Variants in ASB2 observed in about 807,000 individuals in gnomAD.
ASB2 encodes the protein ankyrin repeat and SOCS box containing 2, also known as ankyrin repeat and SOCS box protein 2.
A neutral mutation model predicts 62.4 loss-of-function variants in ASB2; 58 were observed. That is an observed-to-expected ratio of 0.93 (90% CI 0.75 to 1.16). The LOEUF is 1.16. ASB2 is among the 50% of genes most tolerant of loss of function. ASB2 has a pLI of 0.00. For synonymous variants in ASB2, 386 were observed against 385.3 expected (o/e 1.00, Z -0.02); for missense variants, 928 against 887.9 (o/e 1.05, Z -0.57).
Position 93,958,097 on chromosome 14 carries a change from C to T in ASB2, c.207-1227G>A, listed in dbSNP as rs1248387056. On this transcript the variant is annotated intron_variant, in intron 2 of 9. Transcript: ENST00000555019. Reference sequence around the variant, plus strand: ...GGTGGCAGGAGGAGGGGAACCTGCTCACCCCTCTGCTTCATGCTCTCAGGG... The same window carrying T: ...GGTGGCAGGAGGAGGGGAACCTGCTTACCCCTCTGCTTCATGCTCTCAGGG... 4.6e-5 allele frequency among the ~76,000 whole-genome samples: 7 copies of T among 152,312 alleles called. 1 individual carries two copies. In the South Asian group the frequency reaches 1.5e-3, roughly 32 times the overall value.
chr14:93,939,010 A>T (rs2032775923), intron 8 of ASB2, 98 bp downstream of exon 8: 1 of 1,097,800 alleles, frequency 9.1e-7, no homozygotes, highest in South Asian at 1.8e-5. Flanking sequence ...GCTCCCAAGG[A>T]GCGCGAACCA....
At chr14:93,952,410 C>G (rs3790051) in intron 5 of ASB2, among the ~76,000 whole-genome samples, 3 of 152,026 alleles carry the variant, frequency 2.0e-5, no homozygotes, top group Non-Finnish European at 4.4e-5. Context: ...GGGTCTGCAG[C>G]GGATCCAGTG....
chr14:93,941,029 C>T (rs981943577), intron 7 of ASB2, among the ~76,000 whole-genome samples: 45 of 152,330 alleles, frequency 3.0e-4, no homozygotes, highest in African/African-American at 1.1e-3. Flanking sequence ...AACTTGCCTG[C>T]CCATTTTACC....
intron 9 of ASB2, among the ~76,000 whole-genome samples, chr14:93,935,043 C>T (rs529860377): frequency 3.9e-5 from 6 of 152,296 alleles, no homozygotes; most frequent in East Asian, 1.9e-4. Context: ...TTCACAGGTG[C>T]GGAAACCGAG....
chr14:93,957,126 T>G, intron 2 of ASB2: 2 of 1,352,522 alleles, frequency 1.5e-6, no homozygotes, highest in Non-Finnish European at 1.9e-6. Flanking sequence ...GAGGTTAACC[T>G]CACCCCACCC....
chr14:93,959,614 G>GGTC (rs1889340538), intron 2 of ASB2, among the ~76,000 whole-genome samples: 2 of 152,180 alleles, frequency 1.3e-5, no homozygotes, highest in African/African-American at 4.8e-5. Flanking sequence ...TGCCCTGGAA[G>GGTC]AGCCCCAGGT....
chr14:93,942,286 G>A (rs1236922872), intron 7 of ASB2: 3 of 455,952 alleles, frequency 6.6e-6, no homozygotes, highest in Non-Finnish European at 1.3e-5. Flanking sequence ...AGAGCCGTAG[G>A]TGTCTGGAAG....
In ASB2 at chr14:93,957,335, C is replaced by CTGAG. The variant is rs1289961591; in HGVS notation, c.207-466_207-465insCTCA. ...AGGATAGGGGAGCAAAGCTGAGAAG[C>CTGAG]CAAGCTGTACCTGTGCCCCCCACGC... is the stretch of plus-strand genomic sequence containing the variant. On this transcript the variant is annotated intron_variant, in intron 2 of 9. Transcript: ENST00000555019. The CTGAG allele has an allele frequency of 5.8e-4, 601 of 1,040,026 alleles. 6 individuals are homozygous for CTGAG. In the African/African-American group the frequency reaches 9.6e-3, roughly 17 times the overall value. 64.4% of individuals were successfully genotyped at this position (1,040,026 alleles called of 1,614,324 possible). A position where few individuals can be genotyped will look rare whatever the true frequency, so the allele number is the denominator to read the frequency against.
At chr14:93,942,046 C>T (rs1488382911) in intron 7 of ASB2, among the ~76,000 whole-genome samples, 1 of 152,164 alleles carries the variant, frequency 6.6e-6, no homozygotes, top group Admixed American at 6.5e-5. Context: ...AAGCCTTCTA[C>T]GATGCCCCTC....
At chr14:93,947,580 G>A in intron 6 of ASB2, 60 bp from the exon 7 acceptor site, 1 of 1,571,340 alleles carries the variant, frequency 6.4e-7, no homozygotes, top group Non-Finnish European at 8.7e-7. Context: ...TGTCCTCAAT[G>A]TAACGCCACC....
intron 7 of ASB2, among the ~76,000 whole-genome samples, chr14:93,942,676 T>G (rs1319714792): frequency 2.6e-5 from 4 of 152,226 alleles, no homozygotes; most frequent in Non-Finnish European, 5.9e-5. Context: ...CAACGCAAGC[T>G]GTCCTTAGCT....
intron 2 of ASB2, among the ~76,000 whole-genome samples, chr14:93,963,604 G>T (rs940682148): frequency 2.0e-5 from 3 of 152,296 alleles, no homozygotes; most frequent in African/African-American, 4.8e-5. Context: ...ATCAAGATGG[G>T]CTGTGAGTGT....
chr14:93,945,683 A>G (rs1888698280), intron 7 of ASB2, among the ~76,000 whole-genome samples: 1 of 151,992 alleles, frequency 6.6e-6, no homozygotes, highest in Non-Finnish European at 1.5e-5. Context: ...TCCTCTGTGT[A>G]TGTACTGGGG....
Position 93,969,252 on chromosome 14 carries a change from T to A in ASB2, c.-73-4640A>T, listed in dbSNP as rs142404361. Among the ~76,000 whole-genome samples, 244 of 152,266 alleles carry A rather than the reference T, an allele frequency of 1.6e-3. 2 individuals are homozygous for A. Among genetic ancestry groups the A allele is most frequent in the African/African-American group, 5.4e-3 (226 of 41,548 alleles). On this transcript the variant is annotated intron_variant, in intron 1 of 9. Transcript: ENST00000555019. Reference sequence around the variant, plus strand: ...GATGCAGTCGTAGGCTGGTGACAGCTGTCAGGGATGCTATGGCGGCGTCTC... The same window carrying A: ...GATGCAGTCGTAGGCTGGTGACAGCAGTCAGGGATGCTATGGCGGCGTCTC...
chr14:93,973,009 G>T (rs955852941), intron 1 of ASB2, among the ~76,000 whole-genome samples: 2 of 152,214 alleles, frequency 1.3e-5, no homozygotes, highest in Non-Finnish European at 2.9e-5. Context: ...CGGCTTTCGG[G>T]TGCCAGGGCC....
chr14:93,969,557 G>T lies in ASB2; in HGVS notation c.-73-4945C>A, dbSNP rs1889698770. On this transcript the variant is annotated intron_variant, in intron 1 of 9. Transcript: ENST00000555019. The stretch of plus-strand genomic sequence containing the variant: ...TGATTTCTGAGACCTCTGTCTGGGG[G>T]TTGGGCGGCCTTCTGGGCCTAAGTC... 2.0e-5 allele frequency among the ~76,000 whole-genome samples: 3 copies of T among 152,218 alleles called. No homozygotes were observed. In the South Asian group the frequency reaches 6.2e-4, roughly 32 times the overall value.
Position 93,954,374 on chromosome 14 carries a change from G to T in ASB2, c.421C>A (p.Pro141Thr). The T allele has an allele frequency of 6.2e-7, 1 of 1,613,790 alleles. No homozygotes were observed. Among genetic ancestry groups the T allele is most frequent in the South Asian group, 1.1e-5 (1 of 91,086 alleles). ...LAEPNKEGWL[P>T]LHEAAYYGQV... Reference sequence around the variant, plus strand: ...CCATAGTATGCGGCCTCGTGCAGCGGCAGCCAGCCCTCCTTGTTGGGCTCT... The same window carrying T: ...CCATAGTATGCGGCCTCGTGCAGCGTCAGCCAGCCCTCCTTGTTGGGCTCT... The change falls in exon 4 of 10, where the codon CCG (proline) becomes ACG (threonine). Residue 141 changes from proline to threonine, a missense_variant. Pro to Thr is a conservative substitution (Grantham distance 38). Transcript: ENST00000555019.
chr14:93,935,004 G>A (rs930656117), intron 9 of ASB2, among the ~76,000 whole-genome samples: 1 of 152,166 alleles, frequency 6.6e-6, no homozygotes, highest in Admixed American at 6.5e-5. Flanking sequence ...CACAGCCCAC[G>A]CAGTGCACAG....
chr14:93,954,864 A>G (rs952505113), intron 3 of ASB2, among the ~76,000 whole-genome samples: 5 of 152,134 alleles, frequency 3.3e-5, no homozygotes, highest in Non-Finnish European at 7.4e-5. Context: ...CCCTGAGCAT[A>G]TCTCTGGGGT....
Sources: gnomAD v4.1 joint callset for allele counts (sites outside exome capture counted in the v4.1 genomes callset) on GRCh38, gnomAD v4.1.1 for gene constraint, MANE v1.5 for transcripts, NCBI Gene and HGNC (gene_info 2026-07-23, HGNC 2026-07-21) for gene names.